The following AGAP1 variants were observed in gnomAD, a reference collection of about 807,000 sequenced individuals.
The protein encoded by AGAP1 is arf-GAP with GTPase, ANK repeat and PH domain-containing protein 1.
In AGAP1, 29 loss-of-function variants were observed where a neutral mutation model predicts 105.3. That is an observed-to-expected ratio of 0.28 (90% confidence interval 0.21 to 0.38). AGAP1 has a LOEUF of 0.38. AGAP1 is among the 10% of genes least tolerant of loss of function. AGAP1 has a pLI of 1.00. For synonymous variants in AGAP1, 509 were observed against 485.9 expected, an observed-to-expected ratio of 1.05 and a Z score of -0.63; for missense variants, 998 against 1,165.1, an observed-to-expected ratio of 0.86 and a Z score of 2.09.
intron 1 of AGAP1, among the ~76,000 whole-genome samples, chr2:235,673,954 C>T (rs992163589): frequency 2.6e-5 from 4 of 152,180 alleles, no homozygotes; most frequent in African/African-American, 9.7e-5. Context: ...AAGGTATTTC[C>T]ATTAGCACAG....
chr2:235,991,832 G>A (rs773214822), intron 13 of AGAP1, among the ~76,000 whole-genome samples: 2 of 152,088 alleles, frequency 1.3e-5, no homozygotes, highest in Non-Finnish European at 2.9e-5. Flanking sequence ...TCATTGCTCC[G>A]ACTTTGGAAA....
chr2:235,960,433 C>T lies in AGAP1; in HGVS notation c.1484-8029C>T, dbSNP rs997144904. ...CCCAGCCCTCTCCTGGGCTTTCTCC[C>T]GGTGCAATGACACCTTCATCTCCCT... is the stretch of plus-strand genomic sequence containing the variant. On this transcript the variant is annotated intron_variant, in intron 12 of 17. Coordinates refer to ENST00000304032, the MANE Select transcript of AGAP1 (RefSeq NM_001037131.3). The surrounding 1 kb of genome is among the most constrained non-coding windows in gnomAD (Gnocchi z 4.9). Among the ~76,000 whole-genome samples, 4 of 152,170 alleles carry T rather than the reference C, an allele frequency of 2.6e-5. No individual in the cohort carries two copies. The highest frequency in any genetic ancestry group is 6.5e-5 in the Admixed American group (1 of 15,272).
At position 236,113,347 on chromosome 2, in the gene AGAP1, G is replaced by T. The variant is rs1301373257; in HGVS notation, c.2115-6845G>T. ...GTAGAGATGGGGTTTTACCATGTTGGCCAGGCTGGTGTCGAACTCCTGACC... is the reference window on the plus strand; with the variant it reads ...GTAGAGATGGGGTTTTACCATGTTGTCCAGGCTGGTGTCGAACTCCTGACC... On this transcript the variant is annotated intron_variant, in intron 16 of 17. Transcript: ENST00000304032. The surrounding 1 kb of genome is among the most constrained non-coding windows in gnomAD (Gnocchi z 4.3). 6.6e-6 allele frequency among the ~76,000 whole-genome samples: 1 copy of T among 151,876 alleles called. No homozygotes were observed. Among genetic ancestry groups the T allele is most frequent in the African/African-American group, 2.4e-5 (1 of 41,324 alleles).
At chr2:235,941,821 G>GGTGTGT (rs1282550428) in intron 12 of AGAP1, among the ~76,000 whole-genome samples, 3 of 145,522 alleles carry the variant, frequency 2.1e-5, no homozygotes, top group Admixed American at 6.9e-5. Flanking sequence ...CGAAGGGAAG[G>GGTGTGT]GTGTGTGCGG....
chr2:235,985,751 G>T (rs890190667), intron 13 of AGAP1, among the ~76,000 whole-genome samples: 9 of 152,148 alleles, frequency 5.9e-5, no homozygotes, highest in Admixed American at 1.3e-4. Flanking sequence ...GCTTGTTTTT[G>T]TCAGGTTTGT....
At chr2:235,580,241 C>G (rs773550914) in intron 1 of AGAP1, among the ~76,000 whole-genome samples, 6 of 152,236 alleles carry the variant, frequency 3.9e-5, no homozygotes, top group Non-Finnish European at 7.4e-5. Context: ...TTGCCATTTT[C>G]ACCTCTTTGG....
intron 13 of AGAP1, among the ~76,000 whole-genome samples, chr2:236,025,508 CAGA>C (rs1196234547): frequency 1.3e-5 from 2 of 152,156 alleles, no homozygotes; most frequent in Admixed American, 1.3e-4. Flanking sequence ...TCTCTCCACA[CAGA>C]AGAAGGGAAA....
In AGAP1 at chr2:235,691,859, A is replaced by G. The variant is rs1949748514; in HGVS notation, c.164-17320A>G. ...ATGAGCTTGGGGACAATGGCCAGTG[A>G]CATCCAGGAGAGGGAACTTAGAGGC... On this transcript the variant is annotated intron_variant, in intron 1 of 17. Transcript: ENST00000304032. The surrounding 1 kb of genome is among the most constrained non-coding windows in gnomAD (Gnocchi z 4.4). Among the ~76,000 whole-genome samples, 1 of 152,242 alleles carries G rather than the reference A, an allele frequency of 6.6e-6. No individual in the cohort carries two copies. The highest frequency in any genetic ancestry group is 2.4e-5 in the African/African-American group (1 of 41,460).
chr2:235,609,596 G>A lies in AGAP1; in HGVS notation c.164-99583G>A, dbSNP rs992901296. ...CCTCACTTTGACCCCGGACCTGCAT[G>A]CGCGCTGAGGATGGCAGAGGGGCTC... On this transcript the variant is annotated intron_variant, in intron 1 of 17. Transcript: ENST00000304032. This position sits in a 1 kb window ranked among gnomAD's most constrained non-coding sequence, Gnocchi z 5.1. Among the ~76,000 whole-genome samples, 1 of 152,170 alleles carries A rather than the reference G, an allele frequency of 6.6e-6. No individual in the cohort carries two copies. The highest frequency in any genetic ancestry group is 1.5e-5 in the Non-Finnish European group (1 of 68,040).
In AGAP1 at chr2:235,549,348, G is replaced by A. The variant is rs573480665; in HGVS notation, c.163+54499G>A. Among the ~76,000 whole-genome samples the A allele has an allele frequency of 3.3e-5, 5 of 152,310 alleles. No individual in the cohort carries two copies. The highest frequency in any genetic ancestry group is 2.1e-4 in the South Asian group (1 of 4,826). ...CCAGCTCTCACCTGGGAAGGTCAGC[G>A]TGCAGGGTTGCAGACTGCTTAAGCC... On this transcript the variant is annotated intron_variant, in intron 1 of 17. Coordinates refer to ENST00000304032, the MANE Select transcript of AGAP1 (RefSeq NM_001037131.3). This position sits in a 1 kb window ranked among gnomAD's most constrained non-coding sequence, Gnocchi z 4.2.
chr2:235,494,899 C>T (rs755883622), intron 1 of AGAP1, 50 bp downstream of exon 1: 17 of 1,507,320 alleles, frequency 1.1e-5, no homozygotes, highest in East Asian at 2.8e-5. Flanking sequence ...ACGCCCGCGG[C>T]GCGGCGGGGG....
chr2:235,549,869 G>C lies in AGAP1; in HGVS notation c.163+55020G>C, dbSNP rs1201452804. Among the ~76,000 whole-genome samples the C allele has an allele frequency of 6.6e-6, 1 of 152,136 alleles. No homozygotes were observed. The highest frequency in any genetic ancestry group is 2.4e-5 in the African/African-American group (1 of 41,420). On this transcript the variant is annotated intron_variant, in intron 1 of 17. Coordinates refer to ENST00000304032, the MANE Select transcript of AGAP1 (RefSeq NM_001037131.3). The surrounding 1 kb of genome is among the most constrained non-coding windows in gnomAD (Gnocchi z 4.2). ...AGCATGGGGATTAGTGGAGTGAGTG[G>C]GAGGACTCGCCCTGCGCAGGTGGAG...
chr2:236,112,285 A>G (rs553398378), intron 16 of AGAP1, among the ~76,000 whole-genome samples: 38 of 152,180 alleles, frequency 2.5e-4, no homozygotes, highest in African/African-American at 7.9e-4. Flanking sequence ...ACGTGGTGGC[A>G]CGTGCCTGTA....
In AGAP1 at chr2:236,044,716, T is replaced by C. The variant is rs527927458; in HGVS notation, c.1891+3875T>C. On this transcript the variant is annotated intron_variant, in intron 15 of 17. Transcript: ENST00000304032. The surrounding 1 kb of genome is among the most constrained non-coding windows in gnomAD (Gnocchi z 5.7). Reference sequence around the variant, plus strand: ...GAACCTCCGGTCCCGCAACGTCGGGTCTCCTTCCCATTGTCGCCTCTTAGT... The same window carrying C: ...GAACCTCCGGTCCCGCAACGTCGGGCCTCCTTCCCATTGTCGCCTCTTAGT... Among the ~76,000 whole-genome samples, 1 of 152,002 alleles carries C rather than the reference T, an allele frequency of 6.6e-6. No homozygotes were observed. Among genetic ancestry groups the C allele is most frequent in the South Asian group, 2.1e-4 (1 of 4,806 alleles).
At chr2:235,827,957 C>A (rs1292066603) in intron 9 of AGAP1, among the ~76,000 whole-genome samples, 1 of 152,274 alleles carries the variant, frequency 6.6e-6, no homozygotes, top group African/African-American at 2.4e-5. Flanking sequence ...TGGAGCAGGC[C>A]AGCCTGCGGG....
chr2:235,672,427 T>A (rs1290433594), intron 1 of AGAP1, among the ~76,000 whole-genome samples: 2 of 152,238 alleles, frequency 1.3e-5, no homozygotes, highest in African/African-American at 4.8e-5. Context: ...TTGCCACACT[T>A]ATGTTTAGCT....
rs2054135474 is a variant in AGAP1, at chr2:235,960,514, C to T, written c.1484-7948C>T. ...TGGCCTGGGTATGCTCGGTCCAGTG[C>T]AGGTGGGCGTGCGGACTCTTCCGTA... is the stretch of plus-strand genomic sequence containing the variant. On this transcript the variant is annotated intron_variant, in intron 12 of 17. Coordinates refer to ENST00000304032, the MANE Select transcript of AGAP1 (RefSeq NM_001037131.3). This position sits in a 1 kb window ranked among gnomAD's most constrained non-coding sequence, Gnocchi z 4.9. Among the ~76,000 whole-genome samples the T allele has an allele frequency of 6.6e-6, 1 of 152,156 alleles. No homozygotes were observed. Among genetic ancestry groups the T allele is most frequent in the South Asian group, 2.1e-4 (1 of 4,830 alleles).
chr2:235,704,962 CTTTTTTCTTTTTTTTTTT>C (rs1322814476), intron 1 of AGAP1, among the ~76,000 whole-genome samples: 4 of 86,010 alleles, frequency 4.7e-5, no homozygotes, highest in African/African-American at 1.3e-4. Context: ...ATACAAGATG[CTTTTTTCTTTTTTTTTTT>C]TTTTTTTTTT....
intron 3 of AGAP1, among the ~76,000 whole-genome samples, chr2:235,727,279 G>A (rs1323140429): frequency 6.6e-6 from 1 of 151,852 alleles, no homozygotes; most frequent in Non-Finnish European, 1.5e-5. Context: ...AGGCCGGGAG[G>A]CAAGTCCCAA....
Sources: gnomAD v4.1 joint callset for allele counts (sites outside exome capture counted in the v4.1 genomes callset) on GRCh38, gnomAD v4.1.1 for gene constraint, Gnocchi (gnomAD v3.1) non-coding constraint, MANE v1.5 for transcripts, NCBI Gene and HGNC (gene_info 2026-07-23, HGNC 2026-07-21) for gene names.